UBE2L3: variants seen among roughly 807,000 people sequenced by gnomAD.
UBE2L3 encodes the protein ubiquitin conjugating enzyme E2 L3.
A neutral mutation model predicts 17.8 loss-of-function variants in UBE2L3; 1 was observed. The observed-to-expected ratio is 0.06, with a 90% CI of 0.02 to 0.27. UBE2L3 has a LOEUF of 0.27. UBE2L3 is among the 10% of genes least tolerant of loss of function. The pLI, the probability that UBE2L3 is intolerant of heterozygous loss-of-function variation, is 1.00. For missense variants in UBE2L3, 40 were observed against 192.6 expected (o/e 0.21, Z 4.69); for synonymous variants, 44 against 68.5 (o/e 0.64, Z 1.76).
chr22:21,558,436 T>C (rs1235419834), intron 1 of UBE2L3, among the ~76,000 whole-genome samples: 1 of 152,224 alleles, frequency 6.6e-6, no homozygotes, highest in African/African-American at 2.4e-5. Flanking sequence ...ATCGAGACCA[T>C]CCTGGCTAAC....
chr22:21,580,164 A>C (rs1927544183), intron 1 of UBE2L3, among the ~76,000 whole-genome samples: 1 of 152,244 alleles, frequency 6.6e-6, no homozygotes, highest in South Asian at 2.1e-4. Context: ...TGGGAGCATT[A>C]ACTCACTGCT....
intron 1 of UBE2L3, among the ~76,000 whole-genome samples, chr22:21,558,458 C>A (rs1926316293): frequency 6.6e-6 from 1 of 152,176 alleles, no homozygotes; most frequent in South Asian, 2.1e-4. Context: ...CGGTGAAACC[C>A]CGTCTCTACT....
intron 1 of UBE2L3, among the ~76,000 whole-genome samples, chr22:21,591,913 G>A (rs2148421736): frequency 6.6e-6 from 1 of 152,192 alleles, no homozygotes; most frequent in East Asian, 1.9e-4. Flanking sequence ...CAGAGTGGAG[G>A]AATGTTGGCG....
intron 1 of UBE2L3, among the ~76,000 whole-genome samples, chr22:21,556,916 T>C (rs1450301029): frequency 6.6e-6 from 1 of 152,250 alleles, no homozygotes; most frequent in Non-Finnish European, 1.5e-5. Context: ...TAGCTGGGCA[T>C]GGTGGCAGGT....
At chr22:21,582,803 C>T (rs1173863227) in intron 1 of UBE2L3, among the ~76,000 whole-genome samples, 5 of 152,172 alleles carry the variant, frequency 3.3e-5, no homozygotes, top group Admixed American at 1.3e-4. Flanking sequence ...GGATTACAGG[C>T]GTGAGCCACC....
intron 1 of UBE2L3, chr22:21,568,289 C>G (rs1926756972): frequency 1.0e-6 from 1 of 985,828 alleles, no homozygotes; most frequent in Admixed American, 6.2e-5. Context: ...GCCAGGCGGC[C>G]AAAGTTAGGT....
At chr22:21,601,880 G>A (rs1246667997) in intron 2 of UBE2L3, among the ~76,000 whole-genome samples, 4 of 151,320 alleles carry the variant, frequency 2.6e-5, no homozygotes. Context: ...GTTGAGGCAG[G>A]AGAATGGCGT....
At chr22:21,562,180 T>C (rs1194822745) in intron 1 of UBE2L3, among the ~76,000 whole-genome samples, 1 of 149,048 alleles carries the variant, frequency 6.7e-6, no homozygotes, top group Non-Finnish European at 1.5e-5. Context: ...GTGGTGCCTG[T>C]GTACCTCTTT....
intron 1 of UBE2L3, among the ~76,000 whole-genome samples, chr22:21,571,845 GT>G (rs1353308956): frequency 1.3e-5 from 2 of 152,152 alleles, no homozygotes; most frequent in African/African-American, 4.8e-5. Flanking sequence ...TTGAGTATAG[GT>G]TTAGATTCTG....
intron 1 of UBE2L3, among the ~76,000 whole-genome samples, chr22:21,557,537 T>C (rs1926279814): frequency 6.6e-6 from 1 of 152,240 alleles, no homozygotes; most frequent in African/African-American, 2.4e-5. Context: ...TCTTTTTTTT[T>C]TTTGAGACAG....
intron 2 of UBE2L3, among the ~76,000 whole-genome samples, chr22:21,603,341 A>G (rs1928964966): frequency 6.6e-6 from 1 of 151,828 alleles, no homozygotes. Flanking sequence ...CAGCCTGGCC[A>G]ACATGGTGAA....
intron 1 of UBE2L3, among the ~76,000 whole-genome samples, chr22:21,583,931 A>G (rs181769119): frequency 3.5e-4 from 54 of 152,198 alleles, no homozygotes; most frequent in African/African-American, 1.2e-3. Flanking sequence ...CCGGAGTTCA[A>G]TGGAGCGATC....
intron 1 of UBE2L3, among the ~76,000 whole-genome samples, chr22:21,556,554 C>T (rs1187230798): frequency 1.3e-5 from 2 of 152,200 alleles, no homozygotes; most frequent in East Asian, 1.9e-4. Flanking sequence ...TTCAGCCTCC[C>T]GAGTAGCTGT....
At chr22:21,585,909 G>A (rs890267299) in intron 1 of UBE2L3, among the ~76,000 whole-genome samples, 1 of 152,034 alleles carries the variant, frequency 6.6e-6, no homozygotes, top group Non-Finnish European at 1.5e-5. Context: ...TTGGGGGAAG[G>A]GTCGTCTAGT....
intron 2 of UBE2L3, among the ~76,000 whole-genome samples, chr22:21,595,874 C>CT (rs200684470): frequency 4.5e-4 from 69 of 151,776 alleles, no homozygotes; most frequent in African/African-American, 1.5e-3. Flanking sequence ...CATGCAGTTT[C>CT]TTTTTTTTCT....
chr22:21,612,944 T>G (rs114202640), intron 3 of UBE2L3, among the ~76,000 whole-genome samples: 342 of 152,250 alleles, frequency 2.2e-3, no homozygotes, highest in African/African-American at 7.9e-3. Context: ...GCGAGCCTGG[T>G]TTTTTTCTGT....
intron 1 of UBE2L3, among the ~76,000 whole-genome samples, chr22:21,583,095 G>A (rs932567820): frequency 6.6e-6 from 1 of 152,158 alleles, no homozygotes; most frequent in Non-Finnish European, 1.5e-5. Flanking sequence ...GCCCTGAGTT[G>A]GTAAACACTG....
intron 1 of UBE2L3, among the ~76,000 whole-genome samples, chr22:21,582,053 G>A (rs1350262959): frequency 6.6e-6 from 1 of 151,286 alleles, no homozygotes; most frequent in Non-Finnish European, 1.5e-5. Flanking sequence ...CTGGGAGGCG[G>A]AGGTTGCAGC....
At chr22:21,612,480 C>A (rs78416054) in intron 3 of UBE2L3, among the ~76,000 whole-genome samples, 1 of 151,492 alleles carries the variant, frequency 6.6e-6, no homozygotes, top group South Asian at 2.1e-4. Context: ...CACCCGCCAC[C>A]ACGCCCGGCT....
Sources: allele counts gnomAD v4.1 joint callset (sites outside exome capture counted in the v4.1 genomes callset), GRCh38; gene constraint gnomAD v4.1.1; transcripts MANE v1.5; gene names NCBI Gene and HGNC (gene_info 2026-07-23, HGNC 2026-07-21).